The following SHISA9 variants were observed in gnomAD, a reference collection of about 807,000 sequenced individuals.
SHISA9 encodes the protein protein shisa-9.
A neutral mutation model predicts 38.0 loss-of-function variants in SHISA9; 13 were observed. The ratio of observed to expected loss-of-function variants is 0.34; its 90% CI spans 0.22 to 0.54. The LOEUF (loss-of-function observed/expected upper bound fraction) is 0.54. Among genes scored for constraint, SHISA9 ranks in the 20% least tolerant of loss-of-function variants. SHISA9 has a pLI of 0.91. For synonymous variants in SHISA9, 275 were observed against 242.0 expected (o/e 1.14, Z -1.27); for missense variants, 538 against 575.8 (o/e 0.93, Z 0.67).
chr16:13,355,181 G>C, the SHISA9 span, among the ~76,000 whole-genome samples: 1 of 149,724 alleles, frequency 6.7e-6, no homozygotes, highest in African/African-American at 2.5e-5. Flanking sequence ...AACTTGTAAG[G>C]CTTGTCTGGT....
the SHISA9 span, among the ~76,000 whole-genome samples, chr16:13,475,688 A>G: frequency 0.25 from 37,675 of 152,076 alleles, 4,828 homozygotes; most frequent in African/African-American, 0.29. Flanking sequence ...TATTTCTATT[A>G]TGATAACATT....
At chr16:12,950,544 C>T (rs992588837) in intron 2 of SHISA9, among the ~76,000 whole-genome samples, 1 of 151,924 alleles carries the variant, frequency 6.6e-6, no homozygotes, top group Non-Finnish European at 1.5e-5. Context: ...TAAATTAGTA[C>T]AGCCGCTGTG....
chr16:13,368,023 A>G, the SHISA9 span, among the ~76,000 whole-genome samples: 123,307 of 152,114 alleles, frequency 0.81, 50,141 homozygotes, highest in East Asian at 0.96. Flanking sequence ...GTCATCTAGC[A>G]TTAGGTATAT....
intron 4 of SHISA9, among the ~76,000 whole-genome samples, chr16:13,228,907 T>A (rs2051304515): frequency 6.6e-6 from 1 of 152,184 alleles, no homozygotes; most frequent in Non-Finnish European, 1.5e-5. Context: ...ACACCTGTAA[T>A]CCTAGCCCTT....
At chr16:13,372,305 G>A in the SHISA9 span, among the ~76,000 whole-genome samples, 1 of 152,198 alleles carries the variant, frequency 6.6e-6, no homozygotes, top group African/African-American at 2.4e-5. Context: ...CAAGGTGCTG[G>A]GTGCTGGGCT....
intron 2 of SHISA9, among the ~76,000 whole-genome samples, chr16:13,015,902 CTT>C (rs1244668966): frequency 0.013 from 1,410 of 110,538 alleles, 19 homozygotes; most frequent in East Asian, 0.036. Flanking sequence ...TTCTTTCTTT[CTT>C]TCTTTTCTTT....
At chr16:13,162,715 T>C (rs939062357) in intron 2 of SHISA9, among the ~76,000 whole-genome samples, 6 of 152,266 alleles carry the variant, frequency 3.9e-5, no homozygotes, top group African/African-American at 9.6e-5. Context: ...TGTATGGATA[T>C]TGTCATAAGA....
the SHISA9 span, among the ~76,000 whole-genome samples, chr16:13,401,678 G>A: frequency 1.8e-4 from 28 of 152,216 alleles, no homozygotes; most frequent in Middle Eastern, 6.8e-3. Flanking sequence ...ACAGGAAGAG[G>A]GACCTTACCA....
intron 2 of SHISA9, among the ~76,000 whole-genome samples, chr16:13,092,638 A>G (rs547821599): frequency 4.2e-4 from 64 of 152,352 alleles, no homozygotes; most frequent in Admixed American, 1.4e-3. Context: ...CAGGCACAGG[A>G]GAGAATCACC....
intron 2 of SHISA9, among the ~76,000 whole-genome samples, chr16:12,918,387 C>G (rs1596528667): frequency 6.6e-6 from 1 of 152,172 alleles, no homozygotes; most frequent in African/African-American, 2.4e-5. Flanking sequence ...GTGTCAAGTC[C>G]TTGGCTGTAA....
chr16:13,224,361 T>C (rs1471205696), intron 4 of SHISA9, among the ~76,000 whole-genome samples: 1 of 152,212 alleles, frequency 6.6e-6, no homozygotes, highest in Non-Finnish European at 1.5e-5. Flanking sequence ...CTAGTTCGCC[T>C]GTCTGCGACA....
At chr16:13,187,899 A>G (rs925152708) in intron 2 of SHISA9, among the ~76,000 whole-genome samples, 2 of 152,162 alleles carry the variant, frequency 1.3e-5, no homozygotes, top group African/African-American at 4.8e-5. Flanking sequence ...TTTCATGAAT[A>G]AAGCCTGATA....
the SHISA9 span, among the ~76,000 whole-genome samples, chr16:13,476,544 G>T: frequency 4.3e-3 from 649 of 152,186 alleles, 5 homozygotes; most frequent in Non-Finnish European, 6.6e-3. Flanking sequence ...TGCTTAGGAG[G>T]ATTTGAAATT....
intron 2 of SHISA9, among the ~76,000 whole-genome samples, chr16:13,049,579 A>G (rs2073227383): frequency 6.6e-6 from 1 of 152,180 alleles, no homozygotes; most frequent in Non-Finnish European, 1.5e-5. Flanking sequence ...GCCTGGCTGC[A>G]TGTGTTGTAA....
intron 2 of SHISA9, among the ~76,000 whole-genome samples, chr16:13,063,926 C>T (rs1567199596): frequency 1.3e-5 from 2 of 152,224 alleles, no homozygotes; most frequent in Non-Finnish European, 2.9e-5. Flanking sequence ...CCGACTCCCA[C>T]ACCAGCCCTT....
At chr16:13,271,910 C>G in the SHISA9 span, among the ~76,000 whole-genome samples, 1 of 151,752 alleles carries the variant, frequency 6.6e-6, no homozygotes, top group Admixed American at 6.6e-5. Context: ...GGTGAAACCC[C>G]TCTACTAAAA....
chr16:13,255,964 A>G, the SHISA9 span, among the ~76,000 whole-genome samples: 1 of 152,202 alleles, frequency 6.6e-6, no homozygotes, highest in Non-Finnish European at 1.5e-5. Flanking sequence ...CCTGTAGAAT[A>G]AAGAGGTGTC....
the SHISA9 span, among the ~76,000 whole-genome samples, chr16:13,507,467 A>G: frequency 6.6e-6 from 1 of 152,120 alleles, no homozygotes; most frequent in African/African-American, 2.4e-5. Context: ...ATTAGCGTAG[A>G]CAAGAATGAC....
At chr16:12,983,592 C>A (rs1159567102) in intron 2 of SHISA9, among the ~76,000 whole-genome samples, 2 of 152,130 alleles carry the variant, frequency 1.3e-5, no homozygotes, top group Non-Finnish European at 2.9e-5. Flanking sequence ...AGGTTCACAC[C>A]ATTCTTCTGC....
Sources: gnomAD v4.1 joint callset for allele counts (sites outside exome capture counted in the v4.1 genomes callset) on GRCh38, gnomAD v4.1.1 for gene constraint, MANE v1.5 for transcripts, NCBI Gene and HGNC (gene_info 2026-07-23, HGNC 2026-07-21) for gene names.